RASAL2: variants seen among roughly 807,000 people sequenced by gnomAD.
RASAL2 encodes RAS protein activator like 2, also known as ras GTPase-activating protein nGAP.
Under a neutral mutation model 128.9 loss-of-function variants are expected in RASAL2, and 58 were observed. That is an observed-to-expected ratio of 0.45 (90% CI 0.36 to 0.56). RASAL2 has a LOEUF of 0.56. Ranked by LOEUF, RASAL2 falls within the 20% of genes least tolerant of loss-of-function variation. RASAL2 has a pLI of 0.00. For synonymous variants in RASAL2, 561 were observed against 580.8 expected, an observed-to-expected ratio of 0.97 and a Z score of 0.49; for missense variants, 1,360 against 1,601.6, an observed-to-expected ratio of 0.85 and a Z score of 2.57.
chr1:178,289,515 A>G (rs930445262), intron 2 of RASAL2, among the ~76,000 whole-genome samples: 3 of 151,938 alleles, frequency 2.0e-5, no homozygotes, highest in Admixed American at 6.6e-5. Context: ...GAGTCTCACT[A>G]TGTTGCCCAA....
chr1:178,246,599 CTA>C (rs1174315894), intron 1 of RASAL2, among the ~76,000 whole-genome samples: 1 of 152,134 alleles, frequency 6.6e-6, no homozygotes, highest in Admixed American at 6.5e-5. Context: ...ACTTCCAACA[CTA>C]TGTTGAATCG....
chr1:178,423,487 G>A (rs1325175864), intron 5 of RASAL2, among the ~76,000 whole-genome samples: 1 of 151,994 alleles, frequency 6.6e-6, no homozygotes, highest in Non-Finnish European at 1.5e-5. Context: ...TATATCCTAG[G>A]TACTTTATAT....
In RASAL2 at chr1:178,138,817, CAAATCAATTTATATATATAAGGT is replaced by C. The variant is rs1460272613; in HGVS notation, c.202+44125_202+44147del. On this transcript the variant is annotated intron_variant, in intron 1 of 17. Transcript: ENST00000367649. ...TACCTCGAAGGACTTTTGTGAGTAT[CAAATCAATTTATATATATAAGGT>C]AGTTAGAACAGTTCCTTCCATCTAG... is the stretch of plus-strand genomic sequence containing the variant. 2.0e-5 allele frequency among the ~76,000 whole-genome samples: 3 copies of C among 151,952 alleles called. No individual in the cohort carries two copies. The East Asian group carries it at 5.8e-4, about 29-fold the overall frequency.
Position 178,473,299 on chromosome 1 carries a change from T to C in RASAL2, c.*60T>C. ...TGACCCACTCTCCTATCTCCAGACC[T>C]TTACCTAGCCCCTCCAGGTTTACAG... is the stretch of plus-strand genomic sequence containing the variant. On this transcript the variant is annotated 3_prime_UTR_variant, in exon 18 of 18. Coordinates refer to ENST00000367649, the MANE Select transcript of RASAL2 (RefSeq NM_170692.4). 1 of 1,584,168 alleles carries C rather than the reference T, an allele frequency of 6.3e-7. No individual in the cohort carries two copies. The highest frequency in any genetic ancestry group is 1.7e-5 in the Admixed American group (1 of 59,276).
intron 1 of RASAL2, among the ~76,000 whole-genome samples, chr1:178,095,574 G>T (rs1363311714): frequency 1.3e-5 from 2 of 152,150 alleles, no homozygotes; most frequent in Non-Finnish European, 2.9e-5. Flanking sequence ...TGAAGCACCT[G>T]GGATCAAACA....
At chr1:178,462,088 T>G (rs1042527814) in intron 14 of RASAL2, among the ~76,000 whole-genome samples, 3 of 152,192 alleles carry the variant, frequency 2.0e-5, no homozygotes, top group African/African-American at 7.2e-5. Flanking sequence ...TGAAAGTCAG[T>G]GGATATAAAT....
intron 3 of RASAL2, among the ~76,000 whole-genome samples, chr1:178,309,892 G>C (rs1668157310): frequency 6.8e-6 from 1 of 147,178 alleles, no homozygotes; most frequent in Admixed American, 6.7e-5. Flanking sequence ...AAAGCGGATA[G>C]AATGTTGTTA....
At chr1:178,149,140 T>G (rs532936163) in intron 1 of RASAL2, among the ~76,000 whole-genome samples, 2 of 152,158 alleles carry the variant, frequency 1.3e-5, no homozygotes, top group Non-Finnish European at 2.9e-5. Flanking sequence ...ATAAACTGTC[T>G]CCAAATTACT....
At chr1:178,132,459 C>T (rs1318857834) in intron 1 of RASAL2, among the ~76,000 whole-genome samples, 1 of 152,048 alleles carries the variant, frequency 6.6e-6, no homozygotes, top group African/African-American at 2.4e-5. Context: ...ATCATATAAG[C>T]AAGCTTTTAT....
chr1:178,098,854 G>A (rs1257348029), intron 1 of RASAL2, among the ~76,000 whole-genome samples: 2 of 152,100 alleles, frequency 1.3e-5, no homozygotes, highest in Non-Finnish European at 2.9e-5. Flanking sequence ...CAAAGGGCTA[G>A]TACTATTTAA....
intron 4 of RASAL2, among the ~76,000 whole-genome samples, chr1:178,396,390 C>G (rs753727374): frequency 2.6e-4 from 39 of 152,102 alleles, no homozygotes; most frequent in Non-Finnish European, 5.6e-4. Context: ...CAAGACCTCT[C>G]ATTTCACAAT....
intron 1 of RASAL2, among the ~76,000 whole-genome samples, chr1:178,267,822 C>T (rs914921762): frequency 6.6e-6 from 1 of 151,962 alleles, no homozygotes; most frequent in Admixed American, 6.6e-5. Flanking sequence ...GGAAACATTC[C>T]TCATGGAGCC....
At chr1:178,235,761 A>G (rs1664206055) in intron 1 of RASAL2, among the ~76,000 whole-genome samples, 1 of 152,172 alleles carries the variant, frequency 6.6e-6, no homozygotes, top group African/African-American at 2.4e-5. Flanking sequence ...TTTCTGGCCT[A>G]GTGTCTACAT....
intron 9 of RASAL2, among the ~76,000 whole-genome samples, chr1:178,447,747 G>T (rs1439439655): frequency 6.8e-6 from 1 of 147,162 alleles, no homozygotes; most frequent in East Asian, 2.0e-4. Flanking sequence ...CTGTAATCAT[G>T]CAAGTAAGAA....
At chr1:178,370,176 C>G (rs1222994011) in intron 3 of RASAL2, among the ~76,000 whole-genome samples, 2 of 152,134 alleles carry the variant, frequency 1.3e-5, no homozygotes, top group African/African-American at 4.8e-5. Flanking sequence ...AAACAAATGA[C>G]TTTTTTCTGC....
chr1:178,394,391 C>G (rs1285351945), intron 4 of RASAL2, among the ~76,000 whole-genome samples: 1 of 152,082 alleles, frequency 6.6e-6, no homozygotes, highest in Non-Finnish European at 1.5e-5. Context: ...AAGTTTAATT[C>G]AGAAAGAGAA....
chr1:178,446,750 A>AT (rs1232153646), intron 9 of RASAL2, among the ~76,000 whole-genome samples: 1 of 152,214 alleles, frequency 6.6e-6, no homozygotes, highest in Non-Finnish European at 1.5e-5. Flanking sequence ...AAAAAGAGAC[A>AT]TTCTGTGTTC....
At chr1:178,172,653 A>G (rs1661740937) in intron 1 of RASAL2, among the ~76,000 whole-genome samples, 1 of 152,110 alleles carries the variant, frequency 6.6e-6, no homozygotes, top group Non-Finnish European at 1.5e-5. Flanking sequence ...TAATAAGGAA[A>G]ATAATTTAGA....
intron 3 of RASAL2, among the ~76,000 whole-genome samples, chr1:178,330,936 T>C (rs145563436): frequency 2.6e-5 from 4 of 152,384 alleles, no homozygotes; most frequent in Admixed American, 6.5e-5. Flanking sequence ...TGCCAAGTAC[T>C]GTTCTAAGCA....
Sources: gnomAD v4.1 joint callset for allele counts (sites outside exome capture counted in the v4.1 genomes callset) on GRCh38, gnomAD v4.1.1 for gene constraint, MANE v1.5 for transcripts, NCBI Gene and HGNC (gene_info 2026-07-23, HGNC 2026-07-21) for gene names.